Variants in KCNS3 observed in about 807,000 individuals in gnomAD.
The protein encoded by KCNS3 is delayed-rectifier potassium channel regulatory subunit KCNS3.
In KCNS3, 13 loss-of-function variants were observed where a neutral mutation model predicts 31.0. The ratio of observed to expected loss-of-function variants is 0.42; its 90% CI spans 0.27 to 0.67. The LOEUF (loss-of-function observed/expected upper bound fraction) is 0.67, where lower values mean the gene tolerates loss of function less well. Ranked by LOEUF, KCNS3 falls within the 30% of genes least tolerant of loss-of-function variation. KCNS3 has a pLI of 0.25. For missense variants in KCNS3, 545 were observed against 622.4 expected (o/e 0.88, Z 1.32); for synonymous variants, 238 against 241.5 (o/e 0.99, Z 0.13).
At chr2:17,896,283 A>G (rs1477954377) in intron 1 of KCNS3, among the ~76,000 whole-genome samples, 1 of 152,020 alleles carries the variant, frequency 6.6e-6, no homozygotes, top group Non-Finnish European at 1.5e-5. Context: ...TCCTGGACTC[A>G]AGCAATGATT....
intron 1 of KCNS3, among the ~76,000 whole-genome samples, chr2:17,898,115 T>A (rs1406626591): frequency 2.6e-5 from 4 of 152,200 alleles, no homozygotes; most frequent in African/African-American, 4.8e-5. Context: ...GTTGTGGGTA[T>A]GTGGCTTCAA....
At chr2:17,925,534 AG>A (rs945955704) in intron 2 of KCNS3, among the ~76,000 whole-genome samples, 79 of 152,342 alleles carry the variant, frequency 5.2e-4, no homozygotes, top group Admixed American at 4.4e-3. Context: ...CCGCAGGGCT[AG>A]GGGGTCTCAG....
chr2:17,893,676 C>G (rs1173579145), intron 1 of KCNS3, among the ~76,000 whole-genome samples: 2 of 152,170 alleles, frequency 1.3e-5, no homozygotes, highest in African/African-American at 4.8e-5. Context: ...CTCCTGCAAA[C>G]AGACCTTCAG....
intron 2 of KCNS3, among the ~76,000 whole-genome samples, chr2:17,921,787 A>G (rs1572500718): frequency 6.6e-6 from 1 of 150,782 alleles, no homozygotes; most frequent in Admixed American, 6.6e-5. Context: ...TGATTCAATC[A>G]CCTCCCACCA....
Position 17,932,470 on chromosome 2 carries a change from T to C in KCNS3, c.1462T>C (p.Cys488Arg). The C allele has an allele frequency of 2.5e-6, 4 of 1,610,734 alleles. No individual in the cohort carries two copies. Among genetic ancestry groups the C allele is most frequent in the Non-Finnish European group, 3.4e-6 (4 of 1,178,232 alleles). ...DICNTTSLEN[C>R]TAK ...TTGTAACACCACCTCCTTGGAGAATTGCACAGCAAAATGAGCGGGGGTGTT... is the reference window on the plus strand; with the variant it reads ...TTGTAACACCACCTCCTTGGAGAATCGCACAGCAAAATGAGCGGGGGTGTT... Residue 488 changes from cysteine to arginine, a missense_variant, in exon 3 of 3, where the codon TGC becomes CGC. Cys to Arg is a radical substitution (Grantham distance 180). Transcript: ENST00000304101.
intron 2 of KCNS3, among the ~76,000 whole-genome samples, chr2:17,922,091 T>G (rs1662729772): frequency 6.6e-6 from 1 of 151,066 alleles, no homozygotes; most frequent in Admixed American, 6.6e-5. Flanking sequence ...CAGTCTTGAT[T>G]TTGCTGATTG....
At chr2:17,896,038 C>A (rs1429226541) in intron 1 of KCNS3, among the ~76,000 whole-genome samples, 1 of 151,956 alleles carries the variant, frequency 6.6e-6, no homozygotes, top group Non-Finnish European at 1.5e-5. Context: ...GTTTTTATTT[C>A]TTTTGTTTAT....
intron 1 of KCNS3, among the ~76,000 whole-genome samples, chr2:17,884,265 AAAAATATATATATATAT>A (rs1350066680): frequency 1.6e-4 from 7 of 44,380 alleles, no homozygotes; most frequent in East Asian, 4.3e-4. Context: ...TTAAAAAAAA[AAAAATATATATATATAT>A]ATATATATAT....
intron 1 of KCNS3, among the ~76,000 whole-genome samples, chr2:17,899,849 C>T (rs531586647): frequency 6.6e-6 from 1 of 152,318 alleles, no homozygotes; most frequent in South Asian, 2.1e-4. Flanking sequence ...TGTAGCTCTT[C>T]ACAGAAAGGG....
intron 1 of KCNS3, among the ~76,000 whole-genome samples, chr2:17,892,414 T>C (rs577475299): frequency 5.9e-5 from 9 of 152,300 alleles, no homozygotes; most frequent in African/African-American, 2.2e-4. Context: ...ATAACTAACT[T>C]CCCAAATTCT....
chr2:17,901,152 A>G (rs535864872), intron 1 of KCNS3, among the ~76,000 whole-genome samples: 3 of 152,264 alleles, frequency 2.0e-5, no homozygotes, highest in Non-Finnish European at 4.4e-5. Context: ...AAGTATGGTG[A>G]GTAGGGTATA....
intron 1 of KCNS3, among the ~76,000 whole-genome samples, chr2:17,881,915 A>G (rs1347527721): frequency 6.6e-6 from 1 of 152,338 alleles, no homozygotes; most frequent in African/African-American, 2.4e-5. Context: ...TTTCGGTGAA[A>G]TTCTGCCCAG....
intron 1 of KCNS3, among the ~76,000 whole-genome samples, chr2:17,885,213 T>C (rs1011964367): frequency 2.0e-5 from 3 of 152,114 alleles, no homozygotes; most frequent in African/African-American, 7.2e-5. Flanking sequence ...ACCCTTCCAA[T>C]GTAGATGGGA....
At chr2:17,881,424 G>A (rs962910387) in intron 1 of KCNS3, among the ~76,000 whole-genome samples, 6 of 152,156 alleles carry the variant, frequency 3.9e-5, no homozygotes, top group South Asian at 2.1e-4. Context: ...TCCTTGACTT[G>A]ACATGTCATT....
intron 2 of KCNS3, among the ~76,000 whole-genome samples, chr2:17,922,124 A>G (rs1558458917): frequency 6.6e-6 from 1 of 150,844 alleles, no homozygotes; most frequent in South Asian, 2.1e-4. Flanking sequence ...GTTATTGACC[A>G]TATTCCTCTA....
intron 1 of KCNS3, among the ~76,000 whole-genome samples, chr2:17,907,839 T>C (rs1261452915): frequency 1.3e-5 from 2 of 152,266 alleles, no homozygotes. Flanking sequence ...GCTGTTAGTC[T>C]GATGGGTTTC....
chr2:17,931,618 G>A lies in KCNS3; in HGVS notation c.610G>A (p.Val204Ile), dbSNP rs144701569. Residue 204 changes from valine to isoleucine, a missense_variant, in exon 3 of 3, where the codon GTT (valine) becomes ATT (isoleucine). Coordinates refer to ENST00000304101, the MANE Select transcript of KCNS3 (RefSeq NM_002252.5). This position sits in a 1 kb window ranked among gnomAD's most constrained non-coding sequence, Gnocchi z 5.4. ...VVLASIVAMC[V>I]HSMSEFQNED... ...GCTGGCCTCCATCGTGGCCATGTGC[G>A]TTCACAGCATGTCGGAGTTCCAGAA... 109 of 1,614,062 alleles carry A rather than the reference G, an allele frequency of 6.8e-5. No homozygotes were observed. Among genetic ancestry groups the A allele is most frequent in the African/African-American group, 3.1e-4 (23 of 74,926 alleles).
At chr2:17,884,269 ATATATATATAT>A (rs1475785687) in intron 1 of KCNS3, among the ~76,000 whole-genome samples, 21 of 35,570 alleles carry the variant, frequency 5.9e-4, no homozygotes, top group African/African-American at 1.8e-3. Flanking sequence ...AAAAAAAAAA[ATATATATATAT>A]ATATATATAT....
intron 2 of KCNS3, among the ~76,000 whole-genome samples, chr2:17,923,896 A>T (rs1662776487): frequency 6.6e-6 from 1 of 151,952 alleles, no homozygotes; most frequent in African/African-American, 2.4e-5. Context: ...TCAATTTCTG[A>T]AAAAAGGCAG....
Sources: allele counts gnomAD v4.1 joint callset (sites outside exome capture counted in the v4.1 genomes callset), GRCh38; gene constraint gnomAD v4.1.1; non-coding constraint Gnocchi (gnomAD v3.1); transcripts MANE v1.5; gene names NCBI Gene and HGNC (gene_info 2026-07-23, HGNC 2026-07-21).